The following EPHA5 variants were observed in gnomAD, a reference collection of about 807,000 sequenced individuals.
The protein encoded by EPHA5 is ephrin type-A receptor 5.
In EPHA5, 60 loss-of-function variants were observed where a neutral mutation model predicts 105.0. The ratio of observed to expected loss-of-function variants is 0.57; its 90% CI spans 0.46 to 0.71. The LOEUF (loss-of-function observed/expected upper bound fraction) is 0.71. Ranked by LOEUF, EPHA5 falls within the 30% of genes least tolerant of loss-of-function variation. The probability of loss-of-function intolerance (pLI) is 0.00; values close to 1 mark genes in which losing one functional copy is unlikely to be tolerated. For synonymous variants in EPHA5, 513 were observed against 449.1 expected, an observed-to-expected ratio of 1.14 and a Z score of -1.80; for missense variants, 1,218 against 1,274.7, an observed-to-expected ratio of 0.96 and a Z score of 0.68.
At chr4:65,401,050 GT>G (rs1299332225) in intron 8 of EPHA5, among the ~76,000 whole-genome samples, 2 of 151,052 alleles carry the variant, frequency 1.3e-5, no homozygotes, top group Non-Finnish European at 3.0e-5. Flanking sequence ...GTGTGTGCAT[GT>G]GTGTGTGTGT....
At chr4:65,424,809 T>A (rs1025491804) in intron 5 of EPHA5, among the ~76,000 whole-genome samples, 1 of 152,052 alleles carries the variant, frequency 6.6e-6, no homozygotes, top group Non-Finnish European at 1.5e-5. Context: ...TTGATTTTAT[T>A]AATTTTATTA....
intron 3 of EPHA5, among the ~76,000 whole-genome samples, chr4:65,519,366 T>G (rs1225247880): frequency 6.6e-6 from 1 of 152,100 alleles, no homozygotes; most frequent in Admixed American, 6.6e-5. Context: ...TAGGTATTGA[T>G]AGGATGTATC....
chr4:65,649,505 T>C (rs1057138110), intron 1 of EPHA5, among the ~76,000 whole-genome samples: 6 of 152,216 alleles, frequency 3.9e-5, no homozygotes, highest in Admixed American at 6.5e-5. Context: ...ACTAGTCCTT[T>C]TGTATATTAA....
Position 65,332,144 on chromosome 4 carries a change from C to T in EPHA5, c.2790-16G>A. The T allele has an allele frequency of 6.4e-7, 1 of 1,552,476 alleles. No homozygotes were observed. Among genetic ancestry groups the T allele is most frequent in the Non-Finnish European group, 8.7e-7 (1 of 1,152,872 alleles). On this transcript the variant is annotated splice_polypyrimidine_tract_variant and intron_variant, in intron 15 of 16. Transcript: ENST00000613740. The stretch of plus-strand genomic sequence containing the variant: ...ATTAGATACTCTAAAACACATAAAA[C>T]ATAAATATTAAAAGTTACAATTTAA...
Position 65,405,082 on chromosome 4 carries a change from T to G in EPHA5, c.1688-603A>C, listed in dbSNP as rs573152833. Among the ~76,000 whole-genome samples the G allele has an allele frequency of 1.6e-4, 25 of 152,256 alleles. No homozygotes were observed. In the South Asian group the frequency reaches 5.2e-3, roughly 32 times the overall value. ...TTTTGAAAAATATGAAGGTAAACAT[T>G]TAGAAGTATAGAAAACTATCTTACG... is the stretch of plus-strand genomic sequence containing the variant. On this transcript the variant is annotated intron_variant, in intron 7 of 16. Coordinates refer to ENST00000613740, the MANE Select transcript of EPHA5 (RefSeq NM_001281766.3).
chr4:65,527,437 A>T (rs950386626), intron 3 of EPHA5, among the ~76,000 whole-genome samples: 5 of 152,158 alleles, frequency 3.3e-5, no homozygotes, highest in Admixed American at 1.3e-4. Flanking sequence ...CACAGAGCAA[A>T]TACATGGAGT....
At chr4:65,432,365 C>A (rs962385213) in intron 5 of EPHA5, among the ~76,000 whole-genome samples, 1 of 152,000 alleles carries the variant, frequency 6.6e-6, no homozygotes, top group Non-Finnish European at 1.5e-5. Flanking sequence ...GTAAGAGTAA[C>A]CTGCGCTCCA....
chr4:65,327,076 G>T (rs946844124), intron 16 of EPHA5, among the ~76,000 whole-genome samples: 3 of 150,778 alleles, frequency 2.0e-5, no homozygotes, highest in African/African-American at 4.8e-5. Flanking sequence ...TAATCTTCTA[G>T]ATATGACTTG....
At chr4:65,400,375 C>T (rs1388078596) in intron 8 of EPHA5, among the ~76,000 whole-genome samples, 1 of 151,818 alleles carries the variant, frequency 6.6e-6, no homozygotes. Flanking sequence ...CTGTAAGAAA[C>T]ATTTAAAGGT....
intron 8 of EPHA5, among the ~76,000 whole-genome samples, chr4:65,370,639 A>G (rs149140111): frequency 0.018 from 2,762 of 152,240 alleles, 27 homozygotes; most frequent in Non-Finnish European, 0.028. Context: ...AAATTACATG[A>G]AATTTCCTGG....
At chr4:65,534,383 T>A (rs544002072) in intron 3 of EPHA5, among the ~76,000 whole-genome samples, 5 of 152,206 alleles carry the variant, frequency 3.3e-5, no homozygotes, top group Non-Finnish European at 7.3e-5. Context: ...GTGGGAGAAG[T>A]TGTTTACATA....
At chr4:65,335,905 G>GA (rs1263357616) in intron 15 of EPHA5, 27 bp downstream of exon 15, 2 of 1,559,790 alleles carry the variant, frequency 1.3e-6, no homozygotes, top group Non-Finnish European at 1.7e-6. Context: ...CTACATTCTG[G>GA]AAAATCACTC....
chr4:65,523,765 T>G (rs1734981542), intron 3 of EPHA5, among the ~76,000 whole-genome samples: 1 of 151,916 alleles, frequency 6.6e-6, no homozygotes, highest in Non-Finnish European at 1.5e-5. Context: ...TTCTAGCATC[T>G]CCTGAGTAAA....
At chr4:65,515,484 A>T (rs573343972) in intron 3 of EPHA5, among the ~76,000 whole-genome samples, 1 of 151,976 alleles carries the variant, frequency 6.6e-6, no homozygotes, top group Non-Finnish European at 1.5e-5. Context: ...AAGATACATG[A>T]CTCCTCTATT....
intron 6 of EPHA5, 26 bp downstream of exon 6, chr4:65,420,415 G>T (rs2149036279): frequency 6.5e-7 from 1 of 1,530,388 alleles, no homozygotes; most frequent in Non-Finnish European, 8.8e-7. Flanking sequence ...AGAAAGTGAG[G>T]ACATTTTTTA....
At chr4:65,399,838 T>C (rs1279482200) in intron 8 of EPHA5, among the ~76,000 whole-genome samples, 1 of 152,186 alleles carries the variant, frequency 6.6e-6, no homozygotes, top group Non-Finnish European at 1.5e-5. Context: ...TATTCTTTAA[T>C]CCCATAATGA....
intron 11 of EPHA5, among the ~76,000 whole-genome samples, chr4:65,359,485 C>T (rs1262817710): frequency 6.6e-6 from 1 of 151,552 alleles, no homozygotes; most frequent in African/African-American, 2.4e-5. Flanking sequence ...TTTAACATGT[C>T]CACAACTGAA....
intron 3 of EPHA5, among the ~76,000 whole-genome samples, chr4:65,534,941 T>C (rs1419390150): frequency 2.0e-5 from 3 of 152,226 alleles, no homozygotes; most frequent in Non-Finnish European, 4.4e-5. Context: ...TCAGTGGAAA[T>C]GGACAGCCAG....
At chr4:65,380,419 G>A (rs1476563292) in intron 8 of EPHA5, among the ~76,000 whole-genome samples, 1 of 151,770 alleles carries the variant, frequency 6.6e-6, no homozygotes, top group Non-Finnish European at 1.5e-5. Context: ...GGTATGAAGT[G>A]TGTCTATGTA....
Sources: allele counts gnomAD v4.1 joint callset (sites outside exome capture counted in the v4.1 genomes callset), GRCh38; gene constraint gnomAD v4.1.1; transcripts MANE v1.5; gene names NCBI Gene and HGNC (gene_info 2026-07-23, HGNC 2026-07-21).